The following LRIG1 variants were observed in gnomAD, a reference collection of about 807,000 sequenced individuals.
LRIG1 encodes leucine-rich repeats and immunoglobulin-like domains protein 1.
Under a neutral mutation model 99.2 loss-of-function variants are expected in LRIG1, and 48 were observed. The observed-to-expected ratio is 0.48, with a 90% CI of 0.38 to 0.62. LRIG1 has a LOEUF of 0.62. Among genes scored for constraint, LRIG1 ranks in the 20% least tolerant of loss-of-function variants. The pLI is 0.00. For synonymous variants in LRIG1, 772 were observed against 596.1 expected (o/e 1.29, Z -4.30); for missense variants, 1,646 against 1,434.4 (o/e 1.15, Z -2.38).
At chr3:66,382,202 C>A in intron 16 of LRIG1, 71 bp downstream of exon 16, 1 of 1,593,104 alleles carries the variant, frequency 6.3e-7, no homozygotes, top group Non-Finnish European at 8.6e-7. Context: ...CTGTAAAGAC[C>A]TGGAGGCCAC....
chr3:66,382,916 C>A, intron 15 of LRIG1, 66 bp downstream of exon 15: 3 of 1,466,848 alleles, frequency 2.0e-6, no homozygotes, highest in Non-Finnish European at 2.8e-6. Flanking sequence ...TGGAACCCGG[C>A]CCAGTTCCCC....
intron 1 of LRIG1, among the ~76,000 whole-genome samples, chr3:66,491,848 C>T (rs1256327682): frequency 6.6e-6 from 1 of 152,142 alleles, no homozygotes; most frequent in East Asian, 1.9e-4. Context: ...TTACATTATT[C>T]TGTCCACTTG....
intron 2 of LRIG1, among the ~76,000 whole-genome samples, chr3:66,457,619 A>G (rs1700259692): frequency 6.6e-6 from 1 of 152,202 alleles, no homozygotes; most frequent in African/African-American, 2.4e-5. Context: ...CTACAGTAAC[A>G]CCAACAATGT....
chr3:66,380,262 C>G lies in LRIG1; in HGVS notation c.*1G>C. 1.9e-6 allele frequency: 3 copies of G among 1,609,348 alleles called. No homozygotes were observed. The South Asian group carries it at 3.3e-5, about 18-fold the overall frequency. ...ATGACAAGAACTGAGGTAGACAAAACCTAGCTTTTTGGTGCCAACAGCAGT... is the reference window on the plus strand; with the variant it reads ...ATGACAAGAACTGAGGTAGACAAAAGCTAGCTTTTTGGTGCCAACAGCAGT... On this transcript the variant is annotated 3_prime_UTR_variant, in exon 19 of 19. Coordinates refer to ENST00000273261, the MANE Select transcript of LRIG1 (RefSeq NM_015541.3).
intron 9 of LRIG1, among the ~76,000 whole-genome samples, chr3:66,403,260 T>A (rs990822037): frequency 6.6e-6 from 1 of 152,180 alleles, no homozygotes; most frequent in African/African-American, 2.4e-5. Context: ...AAATGATTCA[T>A]TTTTTTCTTT....
chr3:66,386,293 G>C lies in LRIG1; in HGVS notation c.1477C>G (p.Leu493Val), dbSNP rs1701370681. The change falls in exon 13 of 19, where the codon CTG (leucine) becomes GTG (valine). Residue 493 changes from leucine to valine, a missense_variant. Transcript: ENST00000273261. ...PPESFVCDDF[L>V]KPQIITQPET... Reference sequence around the variant, plus strand: ...GGCTGGGTGATGATCTGTGGCTTCAGGAAGTCATCTGGGGAGAGAAGGGTC... The same window carrying C: ...GGCTGGGTGATGATCTGTGGCTTCACGAAGTCATCTGGGGAGAGAAGGGTC... 1.9e-6 allele frequency: 3 copies of C among 1,613,680 alleles called. No homozygotes were observed. Among genetic ancestry groups the C allele is most frequent in the African/African-American group, 1.3e-5 (1 of 74,872 alleles).
At chr3:66,494,375 C>T (rs1451571560) in intron 1 of LRIG1, among the ~76,000 whole-genome samples, 1 of 152,166 alleles carries the variant, frequency 6.6e-6, no homozygotes, top group East Asian at 1.9e-4. Context: ...GCAAGAGCCC[C>T]TGCATATTTA....
chr3:66,385,889 GTCTCAGTCA>G, intron 13 of LRIG1, 83 bp downstream of exon 13: 3 of 1,178,018 alleles, frequency 2.5e-6, no homozygotes, highest in Non-Finnish European at 3.7e-6. Context: ...TGTGTGTCCT[GTCTCAGTCA>G]TCTCTACATG....
In LRIG1 at chr3:66,500,231, C is replaced by G; in HGVS notation, c.177G>C (p.Leu59=). Residue 59 remains leucine, a synonymous_variant, in exon 1 of 19, where the codon CTG becomes CTC. Transcript: ENST00000273261. ...AGGGCAGGTCCCCGGGCAACGCAGC[C>G]AGCCCGCGCCCACCGCAGTCCAGCG... ...GDSLDCGGRG[L]AALPGDLPSW... is the part of the protein sequence containing the mutation. 1 of 1,511,664 alleles carries G rather than the reference C, an allele frequency of 6.6e-7. No homozygotes were observed. Among genetic ancestry groups the G allele is most frequent in the Non-Finnish European group, 8.8e-7 (1 of 1,136,862 alleles). The allele number at this position is 1,511,664 out of a possible 1,614,324, so 93.6% of individuals were successfully genotyped here.
At chr3:66,424,884 T>C (rs1454381478) in intron 3 of LRIG1, among the ~76,000 whole-genome samples, 2 of 152,220 alleles carry the variant, frequency 1.3e-5, no homozygotes, top group Non-Finnish European at 2.9e-5. Context: ...AAAATGGGCT[T>C]TGTGTTAGAT....
At chr3:66,417,436 G>T (rs1702649036) in intron 3 of LRIG1, 170 bp from the exon 4 acceptor site, 1 of 663,834 alleles carries the variant, frequency 1.5e-6, no homozygotes, top group Non-Finnish European at 2.5e-6. Flanking sequence ...CTGGCCAGAT[G>T]CTAGGAGAAT....
chr3:66,498,250 C>T (rs538127092), intron 1 of LRIG1: 2 of 152,232 alleles, frequency 1.3e-5, no homozygotes, highest in African/African-American at 4.8e-5. Context: ...ATTTCTCGAT[C>T]ATCAAATGTG....
intron 3 of LRIG1, among the ~76,000 whole-genome samples, chr3:66,419,706 G>C (rs1702743286): frequency 6.6e-6 from 1 of 151,992 alleles, no homozygotes; most frequent in Non-Finnish European, 1.5e-5. Context: ...GCAATACAGA[G>C]ACAGGCACAA....
chr3:66,496,493 G>A (rs910462239), intron 1 of LRIG1, among the ~76,000 whole-genome samples: 14 of 152,154 alleles, frequency 9.2e-5, no homozygotes, highest in Non-Finnish European at 1.9e-4. Flanking sequence ...CAACAAGAGG[G>A]AAGACACTTG....
rs536897410 is a variant in LRIG1, at chr3:66,424,525, T to A, written c.366-7259A>T. ...TTTCAATTCCACATGCAAACCCAAG[T>A]GGTCATCATTTTCACTCCTTTAACA... On this transcript the variant is annotated intron_variant, in intron 3 of 18. Transcript: ENST00000273261. 2.0e-5 allele frequency among the ~76,000 whole-genome samples: 3 copies of A among 152,302 alleles called. No homozygotes were observed. The South Asian group carries it at 6.2e-4, about 32-fold the overall frequency.
At chr3:66,497,603 T>A (rs544182161) in intron 1 of LRIG1, among the ~76,000 whole-genome samples, 4 of 151,764 alleles carry the variant, frequency 2.6e-5, no homozygotes, top group Non-Finnish European at 5.9e-5. Context: ...CATTATCCAT[T>A]CTGTTTCTTC....
At chr3:66,438,491 A>G (rs977551225) in intron 3 of LRIG1, among the ~76,000 whole-genome samples, 2 of 152,180 alleles carry the variant, frequency 1.3e-5, no homozygotes, top group Admixed American at 6.5e-5. Context: ...AGTCACAAAG[A>G]GAAGTGTTTT....
At chr3:66,402,321 C>T (rs1239210314) in intron 9 of LRIG1, among the ~76,000 whole-genome samples, 1 of 152,194 alleles carries the variant, frequency 6.6e-6, no homozygotes, top group Non-Finnish European at 1.5e-5. Flanking sequence ...AGTGGGTCTA[C>T]AGCAGAATCC....
In LRIG1 at chr3:66,386,025, T is replaced by C; in HGVS notation, c.1745A>G (p.His582Arg). The C allele has an allele frequency of 1.2e-6, 2 of 1,614,072 alleles. No homozygotes were observed. The highest frequency in any genetic ancestry group is 2.2e-5 in the South Asian group (2 of 91,078). ...CTTATGTGAATAGGTGGAGCCAAAG[T>C]GGTTGGTGATGACACATTGGTAGCG... ...EGRYQCVITN[H>R]FGSTYSHKAR... Residue 582 changes from histidine to arginine, a missense_variant, in exon 13 of 19, where the codon CAC becomes CGC. Physicochemically the swap from His to Arg is conservative, Grantham distance 29. Coordinates refer to ENST00000273261, the MANE Select transcript of LRIG1 (RefSeq NM_015541.3).
Sources: gnomAD v4.1 joint callset for allele counts (sites outside exome capture counted in the v4.1 genomes callset) on GRCh38, gnomAD v4.1.1 for gene constraint, MANE v1.5 for transcripts, NCBI Gene and HGNC (gene_info 2026-07-23, HGNC 2026-07-21) for gene names.